The following ADGRV1 variants were observed in gnomAD, a reference collection of about 807,000 sequenced individuals.
The protein encoded by ADGRV1 is G-protein coupled receptor 98.
Under a neutral mutation model 596.2 loss-of-function variants are expected in ADGRV1, and 359 were observed. The ratio of observed to expected loss-of-function variants is 0.60; its 90% CI spans 0.55 to 0.66. The LOEUF (loss-of-function observed/expected upper bound fraction) is 0.66, where lower values mean the gene tolerates loss of function less well. Ranked by LOEUF, ADGRV1 falls within the 30% of genes least tolerant of loss-of-function variation. ADGRV1 has a pLI of 0.00. For synonymous variants in ADGRV1, 2,681 were observed against 2,679.2 expected (o/e 1.00, Z -0.02); for missense variants, 7,274 against 7,575.6 (o/e 0.96, Z 1.48).
In ADGRV1 at chr5:90,675,350, A is replaced by G. The variant is rs1485526530; in HGVS notation, c.5218A>G (p.Arg1740Gly). 3.7e-6 allele frequency: 6 copies of G among 1,613,734 alleles called. No homozygotes were observed. Among genetic ancestry groups the G allele is most frequent in the Non-Finnish European group, 5.1e-6 (6 of 1,179,856 alleles). Residue 1740 changes from arginine (R) to glycine (G), a missense_variant, in exon 24 of 90, where the codon AGG (arginine) becomes GGG (glycine). Transcript: ENST00000405460. Reference sequence around the variant, plus strand: ...TGTGGAGGAGGAAGATGGAGAAATCAGGTTATTGGTCATCCGTGCACAGGG... The same window carrying G: ...TGTGGAGGAGGAAGATGGAGAAATCGGGTTATTGGTCATCCGTGCACAGGG... ...ITVEEEDGEI[R>G]LLVIRAQGLL...
At chr5:90,690,698 T>G (rs1363802800) in intron 30 of ADGRV1, 99 bp from the exon 31 acceptor site, 1 of 1,223,186 alleles carries the variant, frequency 8.2e-7, no homozygotes, top group Non-Finnish European at 1.1e-6. Flanking sequence ...CTTAGATTGC[T>G]TAGGGGGGAA....
At chr5:90,614,336 C>A (rs956680001) in intron 1 of ADGRV1, 13 of 286,418 alleles carry the variant, frequency 4.5e-5, no homozygotes, top group Non-Finnish European at 2.8e-5. Context: ...TTTGCAATAA[C>A]TAAGAATTTA....
chr5:90,816,247 C>G (rs987043698), intron 75 of ADGRV1, among the ~76,000 whole-genome samples: 17 of 151,958 alleles, frequency 1.1e-4, no homozygotes, highest in African/African-American at 4.1e-4. Flanking sequence ...AGTGTTGTTT[C>G]TTTAGAAAAA....
chr5:90,988,530 A>AT (rs1780683307), intron 85 of ADGRV1, among the ~76,000 whole-genome samples: 1 of 152,116 alleles, frequency 6.6e-6, no homozygotes, highest in Non-Finnish European at 1.5e-5. Flanking sequence ...TTTCTATATG[A>AT]TAACCCCTGA....
At chr5:91,042,354 A>G (rs1785433439) in intron 85 of ADGRV1, among the ~76,000 whole-genome samples, 1 of 152,206 alleles carries the variant, frequency 6.6e-6, no homozygotes, top group African/African-American at 2.4e-5. Context: ...CACCAAGTAA[A>G]CTGTTTTATA....
intron 83 of ADGRV1, among the ~76,000 whole-genome samples, chr5:90,940,663 G>C (rs901682696): frequency 1.3e-5 from 2 of 152,122 alleles, no homozygotes; most frequent in Non-Finnish European, 2.9e-5. Context: ...AAAAAGCCTT[G>C]CTCTGTTATA....
At chr5:90,940,635 C>T (rs943132876) in intron 83 of ADGRV1, among the ~76,000 whole-genome samples, 2 of 152,096 alleles carry the variant, frequency 1.3e-5, no homozygotes, top group African/African-American at 2.4e-5. Flanking sequence ...GGATTAATTT[C>T]ACAAACTGCA....
intron 83 of ADGRV1, among the ~76,000 whole-genome samples, chr5:90,921,220 C>G (rs904689642): frequency 6.6e-6 from 1 of 152,134 alleles, no homozygotes; most frequent in African/African-American, 2.4e-5. Flanking sequence ...TATATTTTAA[C>G]TTTTCTTTAA....
intron 87 of ADGRV1, among the ~76,000 whole-genome samples, chr5:91,143,736 GC>G (rs1211006656): frequency 6.6e-6 from 1 of 152,150 alleles, no homozygotes; most frequent in Non-Finnish European, 1.5e-5. Flanking sequence ...GCCTTCCCCA[GC>G]TTGAAGGTGG....
At chr5:91,120,740 G>A (rs1423209613) in intron 87 of ADGRV1, among the ~76,000 whole-genome samples, 3 of 152,142 alleles carry the variant, frequency 2.0e-5, no homozygotes, top group Non-Finnish European at 2.9e-5. Flanking sequence ...GGCTCCACCT[G>A]GCTCAGTACT....
intron 1 of ADGRV1, among the ~76,000 whole-genome samples, chr5:90,580,639 C>T (rs1011815833): frequency 8.5e-5 from 13 of 152,114 alleles, no homozygotes; most frequent in South Asian, 2.1e-4. Flanking sequence ...GGGTTTCTGC[C>T]GAGAGATCCG....
chr5:90,940,582 T>C (rs1214894563), intron 83 of ADGRV1, among the ~76,000 whole-genome samples: 2 of 152,194 alleles, frequency 1.3e-5, no homozygotes, highest in African/African-American at 4.8e-5. Context: ...ACCAGGTCAA[T>C]AATAAATTAT....
chr5:90,903,314 G>A (rs891008408), intron 83 of ADGRV1, among the ~76,000 whole-genome samples: 1 of 151,854 alleles, frequency 6.6e-6, no homozygotes, highest in African/African-American at 2.4e-5. Context: ...ATAATATCAT[G>A]CCTGGTTTTA....
chr5:91,120,096 G>A (rs1467359604), intron 87 of ADGRV1, among the ~76,000 whole-genome samples: 1 of 152,172 alleles, frequency 6.6e-6, no homozygotes, highest in East Asian at 1.9e-4. Flanking sequence ...TGGATACTCA[G>A]GGTGATTACA....
At chr5:90,640,824 C>G (rs757301350) in intron 11 of ADGRV1, 2 of 152,554 alleles carry the variant, frequency 1.3e-5, no homozygotes, top group Non-Finnish European at 2.9e-5. Flanking sequence ...ACACTTCTTT[C>G]TGTGTTGACA....
intron 83 of ADGRV1, among the ~76,000 whole-genome samples, chr5:90,937,889 T>A (rs1775848078): frequency 6.6e-6 from 1 of 152,248 alleles, no homozygotes; most frequent in East Asian, 1.9e-4. Context: ...TTTCTGGTCA[T>A]TGTTAGCATA....
chr5:90,983,462 C>T (rs1780243195), intron 84 of ADGRV1, among the ~76,000 whole-genome samples: 1 of 152,160 alleles, frequency 6.6e-6, no homozygotes, highest in Non-Finnish European at 1.5e-5. Context: ...TACTGCACCA[C>T]CGAGTTACGA....
chr5:90,848,708 T>C lies in ADGRV1; in HGVS notation c.17091T>C (p.Ser5697=). 6.3e-7 allele frequency: 1 copy of C among 1,587,054 alleles called. No homozygotes were observed. Among genetic ancestry groups the C allele is most frequent in the Non-Finnish European group, 8.6e-7 (1 of 1,169,538 alleles). The part of the protein sequence containing the change: ...SRTLFYEILC[S]LINPKRKDTR... Reference sequence around the variant, plus strand: ...CTCTTTTCTATGAGATTCTTTGTTCTCTTATTAACCCAAAGCGCAAGGACA... The same window carrying C: ...CTCTTTTCTATGAGATTCTTTGTTCCCTTATTAACCCAAAGCGCAAGGACA... The change falls in exon 79 of 90, where the codon TCT becomes TCC. Residue 5697 remains serine, a synonymous_variant. Transcript: ENST00000405460.
At chr5:90,729,510 T>C (rs1752252218) in intron 49 of ADGRV1, 132 bp from the exon 50 acceptor site, 1 of 687,054 alleles carries the variant, frequency 1.5e-6, no homozygotes, top group Non-Finnish European at 2.4e-6. Context: ...TATTAACTTG[T>C]ATTTTTATTG....
Sources: allele counts gnomAD v4.1 joint callset (sites outside exome capture counted in the v4.1 genomes callset), GRCh38; gene constraint gnomAD v4.1.1; transcripts MANE v1.5; gene names NCBI Gene and HGNC (gene_info 2026-07-23, HGNC 2026-07-21).